The following GRID2 variants were observed in gnomAD, a reference collection of about 807,000 sequenced individuals.
GRID2 encodes glutamate ionotropic receptor delta type subunit 2.
GRID2 carries 33 observed loss-of-function variants against 114.8 expected under a neutral mutation model. That is an observed-to-expected ratio of 0.29 (90% CI 0.22 to 0.38). The LOEUF (loss-of-function observed/expected upper bound fraction) is 0.38, where lower values mean the gene tolerates loss of function less well. GRID2 is among the 10% of genes least tolerant of loss of function. The pLI, the probability that GRID2 is intolerant of heterozygous loss-of-function variation, is 1.00. For synonymous variants in GRID2, 505 were observed against 449.9 expected (o/e 1.12, Z -1.55); for missense variants, 1,184 against 1,257.7 (o/e 0.94, Z 0.89).
chr4:93,765,514 C>T (rs551969589), intron 14 of GRID2, among the ~76,000 whole-genome samples: 25 of 151,870 alleles, frequency 1.6e-4, no homozygotes, highest in African/African-American at 5.3e-4. Context: ...GATCTCCTAT[C>T]GCTCAGCTGG....
intron 4 of GRID2, among the ~76,000 whole-genome samples, chr4:93,113,040 A>G (rs1259731156): frequency 6.6e-6 from 1 of 152,164 alleles, no homozygotes; most frequent in Non-Finnish European, 1.5e-5. Flanking sequence ...TAGTGATGGC[A>G]CAACTTTACC....
chr4:93,289,810 G>C (rs913528399), intron 8 of GRID2, among the ~76,000 whole-genome samples: 1 of 151,986 alleles, frequency 6.6e-6, no homozygotes, highest in Non-Finnish European at 1.5e-5. Context: ...TTGTGGGTAC[G>C]TACATATAAC....
chr4:93,647,193 G>A (rs750481765), intron 14 of GRID2, among the ~76,000 whole-genome samples: 1 of 152,130 alleles, frequency 6.6e-6, no homozygotes, highest in Non-Finnish European at 1.5e-5. Context: ...GAAGAGAATC[G>A]AAGCAGAAAA....
chr4:92,700,853 G>A (rs904452220), intron 2 of GRID2, among the ~76,000 whole-genome samples: 19 of 152,110 alleles, frequency 1.2e-4, no homozygotes, highest in Admixed American at 7.9e-4. Context: ...TTAGCCGGGC[G>A]AGGTGGCAGG....
intron 1 of GRID2, among the ~76,000 whole-genome samples, chr4:92,373,801 G>T (rs1172238282): frequency 1.3e-5 from 2 of 151,902 alleles, no homozygotes; most frequent in Non-Finnish European, 2.9e-5. Flanking sequence ...ACCCTAATAT[G>T]CACAGAAACT....
In GRID2 at chr4:93,689,998, A is replaced by G. The variant is rs140486476; in HGVS notation, c.2360+63563A>G. 2.7e-3 allele frequency among the ~76,000 whole-genome samples: 405 copies of G among 152,190 alleles called. 4 individuals carry two copies. The highest frequency in any genetic ancestry group is 9.3e-3 in the African/African-American group (387 of 41,574). On this transcript the variant is annotated intron_variant, in intron 14 of 15. Transcript: ENST00000282020. ...AACTAATAACATTTGAATTTATTTT[A>G]TTCTGGAATGTGTATTAATAGGAGT...
chr4:93,247,618 G>T (rs1249705015), intron 8 of GRID2, among the ~76,000 whole-genome samples: 1 of 152,002 alleles, frequency 6.6e-6, no homozygotes, highest in African/African-American at 2.4e-5. Context: ...CTTGGGTTTA[G>T]ACTGAAACTA....
chr4:92,499,796 G>A (rs1239422559), intron 1 of GRID2, among the ~76,000 whole-genome samples: 1 of 152,114 alleles, frequency 6.6e-6, no homozygotes, highest in African/African-American at 2.4e-5. Flanking sequence ...TGTATATTTA[G>A]TAGACACAGG....
intron 1 of GRID2, among the ~76,000 whole-genome samples, chr4:92,537,860 A>G (rs551110180): frequency 6.6e-6 from 1 of 150,640 alleles, no homozygotes; most frequent in Admixed American, 6.7e-5. Flanking sequence ...CCAGAGAATT[A>G]GTAGTAATAA....
intron 2 of GRID2, among the ~76,000 whole-genome samples, chr4:92,941,165 C>A (rs1315625818): frequency 6.6e-6 from 1 of 152,138 alleles, no homozygotes; most frequent in African/African-American, 2.4e-5. Flanking sequence ...CCTTGTACCT[C>A]TGGTAGAATT....
chr4:92,961,761 C>CT (rs150585864), intron 2 of GRID2, among the ~76,000 whole-genome samples: 6,786 of 148,762 alleles, frequency 0.046, 263 homozygotes, highest in East Asian at 0.19. Flanking sequence ...TATTTCTTCT[C>CT]TTTTTTTTTA....
intron 11 of GRID2, among the ~76,000 whole-genome samples, chr4:93,463,580 A>C (rs1723953269): frequency 6.6e-6 from 1 of 152,238 alleles, no homozygotes; most frequent in Non-Finnish European, 1.5e-5. Context: ...ATGTTCCATA[A>C]TTAAAATTAC....
chr4:92,737,130 G>A (rs572309868), intron 2 of GRID2, among the ~76,000 whole-genome samples: 8 of 152,092 alleles, frequency 5.3e-5, no homozygotes, highest in East Asian at 3.9e-4. Context: ...CAGCTTCCAC[G>A]TGACTATTGG....
In GRID2 at chr4:93,335,061, A is replaced by G. The variant is rs1027248532; in HGVS notation, c.1246-60546A>G. ...TAATTGGTGATAGCAAAACATCTCT[A>G]TCATTTTAATATGTCAATACTCACA... On this transcript the variant is annotated intron_variant, in intron 8 of 15. Coordinates refer to ENST00000282020, the MANE Select transcript of GRID2 (RefSeq NM_001510.4). 3.7e-4 allele frequency among the ~76,000 whole-genome samples: 6 copies of G among 16,292 alleles called. No homozygotes were observed. In the East Asian group the frequency reaches 0.016, roughly 42 times the overall value. The allele number at this position is 16,292 out of a possible 152,430, so 10.7% of individuals were successfully genotyped here. A position where few individuals can be genotyped will look rare whatever the true frequency, so the allele number is the denominator to read the frequency against.
At chr4:93,544,568 G>A (rs1478903097) in intron 13 of GRID2, among the ~76,000 whole-genome samples, 2 of 151,612 alleles carry the variant, frequency 1.3e-5, no homozygotes, top group African/African-American at 4.8e-5. Flanking sequence ...ACCTGAGGTC[G>A]GGAGTTCGAG....
At chr4:92,806,834 A>G (rs544286475) in intron 2 of GRID2, among the ~76,000 whole-genome samples, 1 of 152,004 alleles carries the variant, frequency 6.6e-6, no homozygotes, top group Non-Finnish European at 1.5e-5. Context: ...AGTTATCATT[A>G]CAATTGAAAT....
At chr4:92,699,166 T>A (rs1011872451) in intron 2 of GRID2, among the ~76,000 whole-genome samples, 27 of 152,206 alleles carry the variant, frequency 1.8e-4, no homozygotes, top group African/African-American at 6.3e-4. Flanking sequence ...TGCCAAACTG[T>A]TGAAACCAAT....
chr4:92,522,453 G>T (rs1308453559), intron 1 of GRID2, among the ~76,000 whole-genome samples: 3 of 151,986 alleles, frequency 2.0e-5, no homozygotes, highest in Admixed American at 2.0e-4. Context: ...AGAGGAAGCA[G>T]GATCTGAGAT....
At chr4:92,806,882 G>A (rs1040856100) in intron 2 of GRID2, among the ~76,000 whole-genome samples, 1 of 151,838 alleles carries the variant, frequency 6.6e-6, no homozygotes, top group Non-Finnish European at 1.5e-5. Context: ...AGAGGGCAGA[G>A]GTGAAGTCAT....
Sources: allele counts gnomAD v4.1 joint callset (sites outside exome capture counted in the v4.1 genomes callset), GRCh38; gene constraint gnomAD v4.1.1; transcripts MANE v1.5; gene names NCBI Gene and HGNC (gene_info 2026-07-23, HGNC 2026-07-21).